The following MYO3A variants were observed in gnomAD, a reference collection of about 807,000 sequenced individuals.
MYO3A encodes myosin IIIA.
MYO3A carries 180 observed loss-of-function variants against 192.7 expected under a neutral mutation model. The ratio of observed to expected loss-of-function variants is 0.93; its 90% CI spans 0.83 to 1.06. The LOEUF (loss-of-function observed/expected upper bound fraction) is 1.06. MYO3A is among the 50% of genes least tolerant of loss of function. MYO3A has a pLI of 0.00. For synonymous variants in MYO3A, 628 were observed against 645.3 expected, an observed-to-expected ratio of 0.97 and a Z score of 0.41; for missense variants, 1,896 against 1,905.0, an observed-to-expected ratio of 1.00 and a Z score of 0.09.
In MYO3A at chr10:25,952,222, G is replaced by T. The variant is rs199597249; in HGVS notation, c.112G>T (p.Val38Leu). 8 of 1,612,822 alleles carry T rather than the reference G, an allele frequency of 5.0e-6. No individual in the cohort carries two copies. The East Asian group carries it at 1.8e-4, about 36-fold the overall frequency. Residue 38 changes from valine to leucine, a missense_variant, in exon 3 of 35, where the codon GTA (valine) becomes TTA (leucine). By Grantham distance (32) the Val-to-Leu change is conservative. Transcript: ENST00000642920. ...AGGAACTTATGGGAAAGTTTTTAAA[G>T]TATTGAATAAGAAAAATGGCCAAAA... is the stretch of plus-strand genomic sequence containing the variant. ...GKGTYGKVFK[V>L]LNKKNGQKAA...
chr10:26,061,270 A>G (rs1230380083), intron 10 of MYO3A, among the ~76,000 whole-genome samples: 5 of 152,112 alleles, frequency 3.3e-5, no homozygotes, highest in Admixed American at 3.3e-4. Flanking sequence ...ACATAAAAGG[A>G]TGAATAACAC....
At chr10:26,028,231 A>G (rs1283438300) in intron 10 of MYO3A, among the ~76,000 whole-genome samples, 1 of 152,234 alleles carries the variant, frequency 6.6e-6, no homozygotes, top group Non-Finnish European at 1.5e-5. Flanking sequence ...AAGTTTGCAG[A>G]GGTTAATTAA....
At chr10:26,112,484 A>G (rs1393568890) in intron 17 of MYO3A, among the ~76,000 whole-genome samples, 4 of 152,170 alleles carry the variant, frequency 2.6e-5, no homozygotes, top group Admixed American at 2.6e-4. Flanking sequence ...ATCTATTTTG[A>G]TAGTAAAAGG....
intron 6 of MYO3A, among the ~76,000 whole-genome samples, chr10:26,006,660 A>T (rs903262287): frequency 2.6e-5 from 4 of 152,098 alleles, no homozygotes; most frequent in Non-Finnish European, 5.9e-5. Context: ...GGACACATAC[A>T]CCCTCCCGAG....
At chr10:25,965,827 A>T (rs1267387236) in intron 4 of MYO3A, among the ~76,000 whole-genome samples, 1 of 151,750 alleles carries the variant, frequency 6.6e-6, no homozygotes, top group South Asian at 2.1e-4. Flanking sequence ...CTCTAACAGG[A>T]CAGTACTGAG....
At chr10:26,060,505 G>A (rs1391151438) in intron 10 of MYO3A, among the ~76,000 whole-genome samples, 1 of 151,904 alleles carries the variant, frequency 6.6e-6, no homozygotes, top group Non-Finnish European at 1.5e-5. Context: ...AGTGATACAA[G>A]AATATTCTAA....
intron 2 of MYO3A, among the ~76,000 whole-genome samples, chr10:25,951,260 A>T (rs992306616): frequency 1.3e-5 from 2 of 152,052 alleles, no homozygotes; most frequent in Admixed American, 1.3e-4. Context: ...CATATTCTTT[A>T]ATTAATTAAT....
At chr10:25,935,712 T>C (rs1836016753) in intron 1 of MYO3A, 32 bp from the exon 2 acceptor site, 1 of 152,226 alleles carries the variant, frequency 6.6e-6, no homozygotes, top group Admixed American at 6.5e-5. Context: ...TTTACTCCCA[T>C]AAAGCCATGA....
At chr10:25,947,342 A>G (rs1327635837) in intron 2 of MYO3A, among the ~76,000 whole-genome samples, 4 of 141,044 alleles carry the variant, frequency 2.8e-5, no homozygotes, top group Non-Finnish European at 6.2e-5. Flanking sequence ...GTCTATCTCT[A>G]TTCTCTGAAA....
intron 10 of MYO3A, among the ~76,000 whole-genome samples, chr10:26,058,989 T>C (rs1294048640): frequency 1.3e-5 from 2 of 149,872 alleles, no homozygotes; most frequent in African/African-American, 2.4e-5. Flanking sequence ...TTTTCACTTA[T>C]TCATTTCTGG....
rs1842365551 is a variant in MYO3A, at chr10:26,176,927, A to G, written c.4438+82A>G. 9 of 1,508,256 alleles carry G rather than the reference A, an allele frequency of 6.0e-6. No homozygotes were observed. The East Asian group carries it at 6.8e-5, about 11-fold the overall frequency. The allele number at this position is 1,508,256 out of a possible 1,614,324, so 93.4% of individuals were successfully genotyped here. ...TTTATTAGTTTCCCACCATTATTCT[A>G]TGGCAGATTTGAGGAGCCTGTGTCC... On this transcript the variant is annotated intron_variant, in intron 31 of 34. Coordinates refer to ENST00000642920, the MANE Select transcript of MYO3A (RefSeq NM_017433.5).
At chr10:26,003,508 G>A (rs6482526) in intron 6 of MYO3A, among the ~76,000 whole-genome samples, 14,284 of 152,018 alleles carry the variant, frequency 0.094, 1,174 homozygotes, top group African/African-American at 0.21. Context: ...ATTAAGTGGG[G>A]TATACTTTTA....
intron 25 of MYO3A, among the ~76,000 whole-genome samples, chr10:26,156,724 T>G (rs946115310): frequency 2.0e-5 from 3 of 152,114 alleles, no homozygotes; most frequent in Admixed American, 1.3e-4. Context: ...CAGGGGTAAA[T>G]GTGCAGTTTG....
intron 27 of MYO3A, 81 bp downstream of exon 27, chr10:26,166,259 A>T (rs1841744930): frequency 1.6e-6 from 2 of 1,213,426 alleles, no homozygotes; most frequent in East Asian, 4.7e-5. Context: ...CAATGTTTGA[A>T]AGTATGGTTT....
intron 4 of MYO3A, among the ~76,000 whole-genome samples, chr10:25,955,763 A>C (rs1837498003): frequency 6.6e-6 from 1 of 152,206 alleles, no homozygotes; most frequent in East Asian, 1.9e-4. Context: ...GAGACAGTAG[A>C]TACCTTTATT....
chr10:26,201,308 A>G lies in MYO3A; in HGVS notation c.4586+3A>G. ...AAACGAAGACCAAGGAAAGACAGGTAATTATTACTTCTGGATTTCAATCAG... is the reference window on the plus strand; with the variant it reads ...AAACGAAGACCAAGGAAAGACAGGTGATTATTACTTCTGGATTTCAATCAG... On this transcript the variant is annotated splice_donor_region_variant and intron_variant, in intron 33 of 34. Coordinates refer to ENST00000642920, the MANE Select transcript of MYO3A (RefSeq NM_017433.5). 6.4e-7 allele frequency: 1 copy of G among 1,571,106 alleles called. No homozygotes were observed. The highest frequency in any genetic ancestry group is 8.7e-7 in the Non-Finnish European group (1 of 1,147,042).
chr10:26,080,593 G>T (rs1271169646), intron 14 of MYO3A, among the ~76,000 whole-genome samples: 6 of 143,148 alleles, frequency 4.2e-5, no homozygotes, highest in Non-Finnish European at 9.3e-5. Context: ...ATTTTTTTGG[G>T]GGGAGGCGGG....
intron 4 of MYO3A, among the ~76,000 whole-genome samples, chr10:25,986,378 A>T (rs1428875269): frequency 6.6e-6 from 1 of 152,230 alleles, no homozygotes; most frequent in East Asian, 1.9e-4. Context: ...AGAGAAAGAA[A>T]TAAAGAACAT....
chr10:26,185,257 G>C (rs1389473774), intron 31 of MYO3A, among the ~76,000 whole-genome samples: 1 of 146,950 alleles, frequency 6.8e-6, no homozygotes, highest in Non-Finnish European at 1.5e-5. Flanking sequence ...TTGATTTTTA[G>C]ATCTCCATGA....
Sources: allele counts gnomAD v4.1 joint callset (sites outside exome capture counted in the v4.1 genomes callset), GRCh38; gene constraint gnomAD v4.1.1; transcripts MANE v1.5; gene names NCBI Gene and HGNC (gene_info 2026-07-23, HGNC 2026-07-21).